The following LCLAT1 variants were observed in gnomAD, a reference collection of about 807,000 sequenced individuals.
LCLAT1 encodes 1-AGP acyltransferase 8.
A neutral mutation model predicts 30.7 loss-of-function variants in LCLAT1; 11 were observed. The ratio of observed to expected loss-of-function variants is 0.36; its 90% CI spans 0.23 to 0.59. The LOEUF is 0.59. Ranked by LOEUF, LCLAT1 falls within the 20% of genes least tolerant of loss-of-function variation. The pLI is 0.77. For synonymous variants in LCLAT1, 155 were observed against 151.3 expected (o/e 1.02, Z -0.18); for missense variants, 402 against 458.6 (o/e 0.88, Z 1.13).
intron 1 of LCLAT1, among the ~76,000 whole-genome samples, chr2:30,467,250 C>T (rs1682490611): frequency 6.6e-6 from 1 of 152,194 alleles, no homozygotes; most frequent in Non-Finnish European, 1.5e-5. Context: ...TCATCCATGT[C>T]CCTACAAAGG....
At chr2:30,452,188 A>G (rs1681583921) in intron 1 of LCLAT1, among the ~76,000 whole-genome samples, 1 of 152,114 alleles carries the variant, frequency 6.6e-6, no homozygotes, top group Admixed American at 6.5e-5. Flanking sequence ...CAGAATATGT[A>G]AAAATATGAG....
chr2:30,603,180 GAATAAACATTCAGAGAATT>G (rs752881984), intron 5 of LCLAT1, among the ~76,000 whole-genome samples: 34 of 152,058 alleles, frequency 2.2e-4, no homozygotes, highest in Non-Finnish European at 4.7e-4. Context: ...ATCTGGCACA[GAATAAACATTCAGAGAATT>G]AATAAACATT....
chr2:30,458,622 G>T (rs1681949876), intron 1 of LCLAT1, among the ~76,000 whole-genome samples: 1 of 152,192 alleles, frequency 6.6e-6, no homozygotes, highest in African/African-American at 2.4e-5. Flanking sequence ...TTACTTAAGT[G>T]TTTTATTGGG....
intron 3 of LCLAT1, among the ~76,000 whole-genome samples, chr2:30,538,506 G>A (rs1273322543): frequency 6.6e-6 from 1 of 151,842 alleles, no homozygotes; most frequent in Non-Finnish European, 1.5e-5. Flanking sequence ...GTGATGGTGG[G>A]CACCTGTAAT....
intron 5 of LCLAT1, among the ~76,000 whole-genome samples, chr2:30,614,851 C>G (rs1480219471): frequency 2.0e-5 from 3 of 152,040 alleles, no homozygotes; most frequent in Admixed American, 1.3e-4. Context: ...ATCGGAGAAC[C>G]AGGCCATCCA....
chr2:30,562,547 C>A (rs1235507837), intron 4 of LCLAT1, among the ~76,000 whole-genome samples: 1 of 152,080 alleles, frequency 6.6e-6, no homozygotes, highest in African/African-American at 2.4e-5. Context: ...AATGGCTCAT[C>A]CCTAAGGTCA....
intron 5 of LCLAT1, among the ~76,000 whole-genome samples, chr2:30,586,909 A>G (rs188657392): frequency 2.0e-5 from 3 of 152,182 alleles, no homozygotes; most frequent in East Asian, 1.9e-4. Flanking sequence ...CCCTACTCCA[A>G]GCTTCTACAC....
At chr2:30,636,324 A>G (rs114524163) in intron 5 of LCLAT1, among the ~76,000 whole-genome samples, 2,464 of 152,296 alleles carry the variant, frequency 0.016, 62 homozygotes, top group Admixed American at 0.073. Context: ...GATAGTATTG[A>G]AATGTGATTT....
chr2:30,453,157 C>T (rs1681646222), intron 1 of LCLAT1, among the ~76,000 whole-genome samples: 2 of 152,132 alleles, frequency 1.3e-5, no homozygotes, highest in South Asian at 2.1e-4. Flanking sequence ...AGTTCATTCC[C>T]TCGGGAGAAC....
intron 3 of LCLAT1, among the ~76,000 whole-genome samples, chr2:30,554,178 C>T (rs1326387784): frequency 6.6e-6 from 1 of 152,178 alleles, no homozygotes; most frequent in African/African-American, 2.4e-5. Context: ...ATATTGCTAC[C>T]ACTTCCATCC....
At chr2:30,572,724 A>G (rs866309739) in intron 5 of LCLAT1, among the ~76,000 whole-genome samples, 5 of 149,780 alleles carry the variant, frequency 3.3e-5, no homozygotes, top group East Asian at 2.0e-4. Context: ...TTTTTTTTCT[A>G]TTTCCAAGAT....
At chr2:30,604,543 T>TGTAAAATAAAATTATACTTTCG (rs1255202758) in intron 5 of LCLAT1, among the ~76,000 whole-genome samples, 1 of 151,604 alleles carries the variant, frequency 6.6e-6, no homozygotes, top group African/African-American at 2.4e-5. Flanking sequence ...CTTTCAGGTG[T>TGTAAAATAAAATTATACTTTCG]GTAAAATAAA....
intron 1 of LCLAT1, among the ~76,000 whole-genome samples, chr2:30,495,124 T>C (rs1684043342): frequency 6.6e-6 from 1 of 152,192 alleles, no homozygotes; most frequent in Admixed American, 6.5e-5. Flanking sequence ...TGTTCTGATA[T>C]ATAACATTTT....
intron 5 of LCLAT1, among the ~76,000 whole-genome samples, chr2:30,578,242 G>A (rs1666074836): frequency 6.6e-6 from 1 of 152,084 alleles, no homozygotes; most frequent in African/African-American, 2.4e-5. Context: ...CATTACCAAA[G>A]TTTTAAATTC....
chr2:30,450,657 A>G (rs1240941323), intron 1 of LCLAT1, among the ~76,000 whole-genome samples: 1 of 152,246 alleles, frequency 6.6e-6, no homozygotes, highest in Admixed American at 6.5e-5. Context: ...AGCACCTAAC[A>G]ACATAACATG....
chr2:30,497,190 A>G (rs1558476816), intron 1 of LCLAT1, among the ~76,000 whole-genome samples: 1 of 152,240 alleles, frequency 6.6e-6, no homozygotes. Context: ...AGTAAACACA[A>G]TACAAGGCAA....
At chr2:30,459,473 C>A in intron 1 of LCLAT1, 2 of 698,928 alleles carry the variant, frequency 2.9e-6, no homozygotes, top group East Asian at 4.9e-5. Flanking sequence ...CTGTTTACTC[C>A]ATGAACCATC....
At chr2:30,630,154 C>G (rs1044583011) in intron 5 of LCLAT1, among the ~76,000 whole-genome samples, 2 of 152,164 alleles carry the variant, frequency 1.3e-5, no homozygotes, top group African/African-American at 4.8e-5. Flanking sequence ...TGTGTCCTCA[C>G]GTGATATTCT....
chr2:30,519,268 T>C (rs190878995), intron 1 of LCLAT1, among the ~76,000 whole-genome samples: 1 of 152,318 alleles, frequency 6.6e-6, no homozygotes, highest in African/African-American at 2.4e-5. Context: ...GCTGTAAAAC[T>C]ACAAATCGTT....
Sources: allele counts gnomAD v4.1 joint callset (sites outside exome capture counted in the v4.1 genomes callset), GRCh38; gene constraint gnomAD v4.1.1; transcripts MANE v1.5; gene names NCBI Gene and HGNC (gene_info 2026-07-23, HGNC 2026-07-21).